DHRSX: variants seen among roughly 807,000 people sequenced by gnomAD.
DHRSX encodes polyprenol dehydrogenase.
Under a neutral mutation model 34.0 loss-of-function variants are expected in DHRSX, and 31 were observed. The ratio of observed to expected loss-of-function variants is 0.91; its 90% confidence interval spans 0.69 to 1.23. DHRSX has a LOEUF of 1.23. Ranked by LOEUF, DHRSX falls within the 50% of genes most tolerant of loss-of-function variation. The pLI, the probability that DHRSX is intolerant of heterozygous loss-of-function variation, is 0.00. For missense variants in DHRSX, 414 were observed against 428.1 expected, an observed-to-expected ratio of 0.97 and a Z score of 0.29; for synonymous variants, 201 against 183.8, an observed-to-expected ratio of 1.09 and a Z score of -0.76.
chrX:2,307,103 C>T (rs2042107606), intron 3 of DHRSX, among the ~76,000 whole-genome samples: 1 of 151,876 alleles, frequency 6.6e-6, no homozygotes, highest in Non-Finnish European at 1.5e-5. Context: ...GTAGTTGCTG[C>T]ATATATACCG....
chrX:2,426,070 G>T (rs1037162010), intron 1 of DHRSX, among the ~76,000 whole-genome samples: 1 of 152,082 alleles, frequency 6.6e-6, no homozygotes, highest in Non-Finnish European at 1.5e-5. Flanking sequence ...GGATTGATGG[G>T]TTTGCATATG....
chrX:2,313,659 G>A (rs1208790579), intron 3 of DHRSX, among the ~76,000 whole-genome samples: 2 of 152,028 alleles, frequency 1.3e-5, no homozygotes, highest in Non-Finnish European at 1.5e-5. Context: ...GAGCCACGAC[G>A]CCCAGCCGTG....
intron 1 of DHRSX, among the ~76,000 whole-genome samples, chrX:2,483,476 C>G (rs1350006641): frequency 6.6e-6 from 1 of 151,984 alleles, no homozygotes; most frequent in Non-Finnish European, 1.5e-5. Flanking sequence ...GCCATGTTGC[C>G]CAGGCTGGTC....
chrX:2,490,029 G>A (rs749489826), intron 1 of DHRSX: 21 of 1,613,690 alleles, frequency 1.3e-5, no homozygotes, highest in African/African-American at 1.2e-4. Flanking sequence ...TTCAGGCAGC[G>A]GGAGCCCATG....
intron 3 of DHRSX, among the ~76,000 whole-genome samples, chrX:2,335,956 C>G (rs1238971786): frequency 6.6e-6 from 1 of 152,094 alleles, no homozygotes; most frequent in Non-Finnish European, 1.5e-5. Context: ...GTAGCTCTTT[C>G]AACTTCTGAG....
At position 2,340,992 on chromosome X, in the gene DHRSX, A is replaced by T. The variant is rs2042633852; in HGVS notation, c.287-49389T>A. On this transcript the variant is annotated intron_variant, in intron 3 of 6. Coordinates refer to ENST00000334651, the MANE Select transcript of DHRSX (RefSeq NM_145177.3). ...CAAGAATGGACAATATCACCAGGTT[A>T]GCCTCCTGGGAAATGCTGCACGGGT... 7.2e-5 allele frequency among the ~76,000 whole-genome samples: 11 copies of T among 152,208 alleles called. No homozygotes were observed. In the South Asian group the frequency reaches 2.3e-3, roughly 32 times the overall value.
intron 3 of DHRSX, among the ~76,000 whole-genome samples, chrX:2,347,801 C>A (rs1402355433): frequency 2.0e-5 from 3 of 152,152 alleles, no homozygotes; most frequent in Non-Finnish European, 2.9e-5. Context: ...TGCCATAATG[C>A]GGTGTCCAGC....
At chrX:2,249,670 C>A (rs190250171) in intron 5 of DHRSX, among the ~76,000 whole-genome samples, 2 of 151,192 alleles carry the variant, frequency 1.3e-5, no homozygotes, top group Middle Eastern at 3.2e-3. Flanking sequence ...ACTACAGGCG[C>A]CTACCATCAC....
At chrX:2,282,987 T>A (rs1485429946) in intron 4 of DHRSX, among the ~76,000 whole-genome samples, 1 of 141,830 alleles carries the variant, frequency 7.1e-6, no homozygotes, top group Non-Finnish European at 1.5e-5. Context: ...AGAGGAAAAG[T>A]GAGACAGTGA....
chrX:2,317,925 C>T (rs1359121472), intron 3 of DHRSX, among the ~76,000 whole-genome samples: 1 of 152,066 alleles, frequency 6.6e-6, no homozygotes, highest in East Asian at 1.9e-4. Flanking sequence ...GGGAGAAATT[C>T]AACAGAACTC....
At chrX:2,498,197 G>C (rs1162376686) in intron 1 of DHRSX, among the ~76,000 whole-genome samples, 2 of 152,140 alleles carry the variant, frequency 1.3e-5, no homozygotes, top group African/African-American at 4.8e-5. Flanking sequence ...CATTTCCTTT[G>C]TACGATACCT....
At chrX:2,393,211 A>C (rs1482079335) in intron 3 of DHRSX, among the ~76,000 whole-genome samples, 2 of 150,830 alleles carry the variant, frequency 1.3e-5, no homozygotes, top group Admixed American at 1.3e-4. Flanking sequence ...ATAAATGTGT[A>C]TACAATAAAT....
At chrX:2,294,991 T>C (rs952073240) in intron 3 of DHRSX, among the ~76,000 whole-genome samples, 2 of 152,128 alleles carry the variant, frequency 1.3e-5, no homozygotes, top group African/African-American at 4.8e-5. Flanking sequence ...TGTAAATTAG[T>C]TCAACCATTG....
intron 1 of DHRSX, among the ~76,000 whole-genome samples, chrX:2,439,664 C>T (rs1040982216): frequency 1.6e-4 from 25 of 152,120 alleles, no homozygotes; most frequent in African/African-American, 5.6e-4. Context: ...GTCCCATCTG[C>T]GTGCGGGTGA....
chrX:2,496,821 TATATAA>T (rs1264945142), intron 1 of DHRSX, among the ~76,000 whole-genome samples: 2 of 149,718 alleles, frequency 1.3e-5, no homozygotes, highest in Admixed American at 6.7e-5. Flanking sequence ...ACATCTAAAT[TATATAA>T]ATATAACTTA....
At chrX:2,451,882 C>A (rs1365026302) in intron 1 of DHRSX, among the ~76,000 whole-genome samples, 1 of 144,610 alleles carries the variant, frequency 6.9e-6, no homozygotes, top group Admixed American at 6.9e-5. Context: ...CCTAAGAATG[C>A]AACTAAAAGA....
chrX:2,427,475 G>A (rs1207248170), intron 1 of DHRSX, among the ~76,000 whole-genome samples: 8 of 152,190 alleles, frequency 5.3e-5, no homozygotes, highest in East Asian at 3.8e-4. Flanking sequence ...AGGGACTGAC[G>A]GGGGAGCTCC....
rs2041482654 is a variant in DHRSX, at chrX:2,266,905, A to G, written c.431T>C (p.Phe144Ser). 1.2e-6 allele frequency: 2 copies of G among 1,613,844 alleles called. No homozygotes were observed. The highest frequency in any genetic ancestry group is 1.7e-5 in the Admixed American group (1 of 59,986). ...MVPQRKTRDG[F>S]EEHFGLNYLG... ...GTAGTTCAGGCCGAAATGTTCTTCG[A>G]ATCCATCTCTGGTTTTCCTCTGAGG... is the stretch of plus-strand genomic sequence containing the variant. Residue 144 changes from phenylalanine to serine, a missense_variant, in exon 5 of 7, where the codon TTC becomes TCC. Coordinates refer to ENST00000334651, the MANE Select transcript of DHRSX (RefSeq NM_145177.3).
At chrX:2,443,851 A>C (rs2044093493) in intron 1 of DHRSX, among the ~76,000 whole-genome samples, 1 of 151,984 alleles carries the variant, frequency 6.6e-6, no homozygotes, top group Non-Finnish European at 1.5e-5. Context: ...CTAAAAATAC[A>C]AAAAATTAGC....
Sources: gnomAD v4.1 joint callset for allele counts (sites outside exome capture counted in the v4.1 genomes callset) on GRCh38, gnomAD v4.1.1 for gene constraint, MANE v1.5 for transcripts, NCBI Gene and HGNC (gene_info 2026-07-23, HGNC 2026-07-21) for gene names.